Variants in ADAM28 observed in about 807,000 individuals in gnomAD.
ADAM28 encodes ADAM metallopeptidase domain 28.
In ADAM28, 105 loss-of-function variants were observed where a neutral mutation model predicts 101.2. The observed-to-expected ratio is 1.04, with a 90% CI of 0.89 to 1.22. The LOEUF (loss-of-function observed/expected upper bound fraction) is 1.22. Among genes scored for constraint, ADAM28 ranks in the 50% most tolerant of loss-of-function variants. The pLI is 0.00. For missense variants in ADAM28, 1,028 were observed against 945.4 expected, an observed-to-expected ratio of 1.09 and a Z score of -1.15; for synonymous variants, 322 against 310.6, an observed-to-expected ratio of 1.04 and a Z score of -0.39.
At chr8:24,323,286 C>T (rs1218552623) in intron 8 of ADAM28, among the ~76,000 whole-genome samples, 1 of 151,956 alleles carries the variant, frequency 6.6e-6, no homozygotes, top group Non-Finnish European at 1.5e-5. Context: ...CCTCCTAACA[C>T]CACCACCTTG....
intron 14 of ADAM28, among the ~76,000 whole-genome samples, chr8:24,337,191 A>G (rs62502747): frequency 0.18 from 27,064 of 152,228 alleles, 2,549 homozygotes; most frequent in East Asian, 0.35. Flanking sequence ...CAAGCTCACT[A>G]GTATCCTGGA....
intron 13 of ADAM28, 38 bp downstream of exon 13, chr8:24,332,787 C>T: frequency 9.2e-7 from 1 of 1,084,166 alleles, no homozygotes; most frequent in Non-Finnish European, 1.3e-6. Flanking sequence ...ATTATGATTA[C>T]ATTTTTATAC....
At chr8:24,325,880 A>AAAAAAAAAAAAAAAAAAAAACC (rs1812502413) in intron 9 of ADAM28, among the ~76,000 whole-genome samples, 1 of 142,822 alleles carries the variant, frequency 7.0e-6, no homozygotes, top group Admixed American at 7.0e-5. Flanking sequence ...GCAAAAAAAA[A>AAAAAAAAAAAAAAAAAAAAACC]AAAAAAAAAA....
At chr8:24,309,630 A>C (rs1810173283) in intron 2 of ADAM28, among the ~76,000 whole-genome samples, 1 of 152,192 alleles carries the variant, frequency 6.6e-6, no homozygotes, top group Admixed American at 6.5e-5. Context: ...CTTGCAAAGA[A>C]ACAGCACTCA....
chr8:24,353,573 C>T (rs1010570666), intron 21 of ADAM28, among the ~76,000 whole-genome samples, 197 bp from the exon 22 acceptor site: 7 of 152,012 alleles, frequency 4.6e-5, no homozygotes, highest in Non-Finnish European at 7.4e-5. Context: ...AGAAAGTCAA[C>T]GGGCTTGGAG....
chr8:24,310,009 C>A, intron 3 of ADAM28, 39 bp downstream of exon 3: 2 of 1,514,254 alleles, frequency 1.3e-6, no homozygotes, highest in Non-Finnish European at 9.1e-7. Flanking sequence ...TCAGCAAGAG[C>A]AAGGCAGCCT....
intron 1 of ADAM28, chr8:24,296,337 C>T (rs1047347107): frequency 5.9e-5 from 9 of 152,136 alleles, no homozygotes; most frequent in African/African-American, 2.2e-4. Flanking sequence ...TTTGTACTCA[C>T]TTTTAATGCA....
At chr8:24,312,037 AC>A (rs1810528167) in intron 5 of ADAM28, among the ~76,000 whole-genome samples, 1 of 150,510 alleles carries the variant, frequency 6.6e-6, no homozygotes, top group Non-Finnish European at 1.5e-5. Context: ...CCACCCCCAG[AC>A]TCTCTCCCCA....
chr8:24,335,643 T>TAGG lies in ADAM28; in HGVS notation c.1567+7_1567+9dup. The TAGG allele has an allele frequency of 6.3e-7, 1 of 1,595,576 alleles. No individual in the cohort carries two copies. Among genetic ancestry groups the TAGG allele is most frequent in the Non-Finnish European group, 8.5e-7 (1 of 1,171,602 alleles). On this transcript the variant is annotated splice_region_variant and intron_variant, in intron 14 of 22. Transcript: ENST00000265769. ...AGTGCACAGAGCTGTGGGGACCAGGTAGGAGGACAAATCCTTTCCCCTGTG... is the reference window on the plus strand; with the variant it reads ...AGTGCACAGAGCTGTGGGGACCAGGTAGGAGGAGGACAAATCCTTTCCCCTGTG...
intron 8 of ADAM28, chr8:24,322,809 A>C (rs1407572411): frequency 6.6e-6 from 1 of 151,972 alleles, no homozygotes; most frequent in Non-Finnish European, 1.5e-5. Flanking sequence ...TTTTAAAAGA[A>C]ATATTTAAGT....
Position 24,320,237 on chromosome 8 carries a change from A to G in ADAM28, c.578A>G (p.Lys193Arg). 1 of 1,586,264 alleles carries G rather than the reference A, an allele frequency of 6.3e-7. No individual in the cohort carries two copies. Among genetic ancestry groups the G allele is most frequent in the Non-Finnish European group, 8.6e-7 (1 of 1,158,736 alleles). Residue 193 changes from lysine to arginine, a missense_variant and splice_region_variant, in exon 7 of 23, where the codon AAA becomes AGA. Coordinates refer to ENST00000265769, the MANE Select transcript of ADAM28 (RefSeq NM_014265.6). ...GTAATTCTACTCTTTATATTTCAGA[A>G]ATTGAAAGACAGGAAGGTTCAGGAA... ...NIALPATKLV[K>R]LKDRKVQEHE... is the part of the protein sequence containing the mutation.
intron 13 of ADAM28, 58 bp from the exon 14 acceptor site, chr8:24,335,388 G>T: frequency 2.0e-6 from 3 of 1,499,660 alleles, no homozygotes; most frequent in Non-Finnish European, 2.7e-6. Flanking sequence ...TTAATTTGAG[G>T]TATTAGGGTA....
At chr8:24,331,385 A>C in intron 12 of ADAM28, 58 bp downstream of exon 12, 1 of 1,502,620 alleles carries the variant, frequency 6.7e-7, no homozygotes. Flanking sequence ...TAAGAAGATC[A>C]ACTACAAAAT....
intron 6 of ADAM28, 40 bp downstream of exon 6, chr8:24,313,620 T>A: frequency 6.3e-7 from 1 of 1,587,662 alleles, no homozygotes; most frequent in South Asian, 1.2e-5. Context: ...TCTCATGTAT[T>A]CTGCCCTGGT....
At chr8:24,296,598 A>ATAT (rs1342834150) in intron 1 of ADAM28, among the ~76,000 whole-genome samples, 1 of 152,234 alleles carries the variant, frequency 6.6e-6, no homozygotes, top group Non-Finnish European at 1.5e-5. Flanking sequence ...AATGTCTCTC[A>ATAT]TATTAACGTT....
intron 3 of ADAM28, 52 bp from the exon 4 acceptor site, chr8:24,310,111 G>T: frequency 6.3e-7 from 1 of 1,587,166 alleles, no homozygotes; most frequent in South Asian, 1.1e-5. Flanking sequence ...AATTTCCATG[G>T]ACTTAGCAAT....
intron 1 of ADAM28, 191 bp from the exon 2 acceptor site, chr8:24,299,778 TAAAAC>T: frequency 2.2e-6 from 1 of 445,840 alleles, no homozygotes; most frequent in Non-Finnish European, 4.0e-6. Flanking sequence ...TAGGCTAAAG[TAAAAC>T]TTTAAGAGGA....
chr8:24,337,313 G>A (rs535974629), intron 14 of ADAM28, among the ~76,000 whole-genome samples: 18 of 152,306 alleles, frequency 1.2e-4, no homozygotes, highest in African/African-American at 4.1e-4. Flanking sequence ...TTCAGTATAC[G>A]GCAAAAACCA....
intron 17 of ADAM28, among the ~76,000 whole-genome samples, 159 bp downstream of exon 17, chr8:24,343,340 G>A (rs1268885907): frequency 6.6e-6 from 1 of 152,126 alleles, no homozygotes; most frequent in Admixed American, 6.6e-5. Flanking sequence ...TTTCTTCTGG[G>A]AATCATTCAT....
Sources: allele counts gnomAD v4.1 joint callset (sites outside exome capture counted in the v4.1 genomes callset), GRCh38; gene constraint gnomAD v4.1.1; transcripts MANE v1.5; gene names NCBI Gene and HGNC (gene_info 2026-07-23, HGNC 2026-07-21).